NCKAP5: variants seen among roughly 807,000 people sequenced by gnomAD.
NCKAP5 encodes the protein nck-associated protein 5.
A neutral mutation model predicts 167.0 loss-of-function variants in NCKAP5; 92 were observed. The ratio of observed to expected loss-of-function variants is 0.55; its 90% confidence interval spans 0.47 to 0.66. The LOEUF (loss-of-function observed/expected upper bound fraction) is 0.66. NCKAP5 is among the 30% of genes least tolerant of loss of function. The probability of loss-of-function intolerance (pLI) is 0.00; values close to 1 mark genes in which losing one functional copy is unlikely to be tolerated. For missense variants in NCKAP5, 2,378 were observed against 2,315.0 expected, an observed-to-expected ratio of 1.03 and a Z score of -0.56; for synonymous variants, 891 against 877.4, an observed-to-expected ratio of 1.02 and a Z score of -0.27.
chr2:133,130,945 C>T (rs2149798041), intron 5 of NCKAP5, among the ~76,000 whole-genome samples: 1 of 152,268 alleles, frequency 6.6e-6, no homozygotes, highest in East Asian at 1.9e-4. Context: ...GATATACACT[C>T]TATGATGAAA....
intron 3 of NCKAP5, among the ~76,000 whole-genome samples, chr2:133,305,368 T>C (rs889971597): frequency 6.6e-6 from 1 of 152,188 alleles, no homozygotes; most frequent in African/African-American, 2.4e-5. Context: ...TTCATCTTCG[T>C]CAGAGGGATA....
the NCKAP5 span, among the ~76,000 whole-genome samples, chr2:133,606,533 G>C: frequency 2.2e-4 from 34 of 152,186 alleles, no homozygotes; most frequent in East Asian, 6.6e-3. Flanking sequence ...CTGAAGAATA[G>C]AACTGGTGAC....
At chr2:132,731,192 A>G (rs564081964) in intron 17 of NCKAP5, among the ~76,000 whole-genome samples, 33 of 152,338 alleles carry the variant, frequency 2.2e-4, no homozygotes, top group African/African-American at 7.7e-4. Context: ...TTCATCATGA[A>G]ATCTTGTTTC....
chr2:133,664,276 G>C, the NCKAP5 span, among the ~76,000 whole-genome samples: 1 of 152,082 alleles, frequency 6.6e-6, no homozygotes, highest in Non-Finnish European at 1.5e-5. Flanking sequence ...AGCATAGGCA[G>C]GGTAGATTTA....
At chr2:133,128,425 C>T (rs1382105413) in intron 6 of NCKAP5, among the ~76,000 whole-genome samples, 1 of 152,134 alleles carries the variant, frequency 6.6e-6, no homozygotes, top group Non-Finnish European at 1.5e-5. Flanking sequence ...GGGATTCCTC[C>T]CATGGAATTG....
intron 3 of NCKAP5, among the ~76,000 whole-genome samples, chr2:133,386,874 CT>C (rs754247047): frequency 6.6e-6 from 1 of 151,880 alleles, no homozygotes; most frequent in African/African-American, 2.4e-5. Context: ...CAACCCCTGC[CT>C]TTTTTTTGTT....
At chr2:132,758,872 C>T (rs905946204) in intron 16 of NCKAP5, among the ~76,000 whole-genome samples, 3 of 152,146 alleles carry the variant, frequency 2.0e-5, no homozygotes, top group African/African-American at 7.2e-5. Flanking sequence ...TACAAGAATG[C>T]ATATTATCAA....
intron 19 of NCKAP5, among the ~76,000 whole-genome samples, chr2:132,692,300 G>A (rs1033822678): frequency 2.6e-5 from 4 of 151,884 alleles, no homozygotes; most frequent in African/African-American, 9.7e-5. Context: ...CCACCACCAT[G>A]CCCAGTTAAT....
intron 3 of NCKAP5, among the ~76,000 whole-genome samples, chr2:133,385,994 C>T (rs1686935538): frequency 6.6e-6 from 1 of 152,138 alleles, no homozygotes; most frequent in African/African-American, 2.4e-5. Flanking sequence ...TTTCAAAAAA[C>T]CAGCTCCTGG....
At chr2:133,556,174 G>C (rs183869134) in intron 2 of NCKAP5, among the ~76,000 whole-genome samples, 40 of 152,286 alleles carry the variant, frequency 2.6e-4, no homozygotes, top group Non-Finnish European at 4.6e-4. Context: ...TTCTTGTTTT[G>C]AGGATTAGTG....
intron 4 of NCKAP5, among the ~76,000 whole-genome samples, chr2:133,230,897 C>T (rs2087116846): frequency 6.6e-6 from 1 of 152,112 alleles, no homozygotes; most frequent in South Asian, 2.1e-4. Context: ...TTTTTACAGG[C>T]TTCAATTTGC....
rs17325153 is a variant in NCKAP5 at position 132,727,118 on chromosome 2, C to T, written c.5581-1359G>A. ...GGATTTCCAGTGCATGGGGCTAGTG[C>T]AGGACGATGAGGAAGGGAATCCTAG... On this transcript the variant is annotated intron_variant, in intron 18 of 19. Transcript: ENST00000409261. Among the ~76,000 whole-genome samples, 1,128 of 152,300 alleles carry T rather than the reference C, an allele frequency of 7.4e-3. 6 individuals are homozygous for T. The highest frequency in any genetic ancestry group is 0.013 in the Non-Finnish European group (865 of 68,014).
chr2:132,869,391 C>T (rs1298487806), intron 9 of NCKAP5, among the ~76,000 whole-genome samples: 1 of 152,176 alleles, frequency 6.6e-6, no homozygotes, highest in Admixed American at 6.6e-5. Flanking sequence ...GTCTATTTCA[C>T]TGCTTAATAT....
chr2:133,427,929 A>C (rs1689916153), intron 3 of NCKAP5, among the ~76,000 whole-genome samples: 1 of 152,144 alleles, frequency 6.6e-6, no homozygotes, highest in Non-Finnish European at 1.5e-5. Context: ...AGTTCAAAGA[A>C]GACCTATATG....
At chr2:133,148,790 C>G (rs2083288447) in intron 5 of NCKAP5, among the ~76,000 whole-genome samples, 2 of 152,090 alleles carry the variant, frequency 1.3e-5, no homozygotes, top group South Asian at 2.1e-4. Context: ...ATCATAAGAG[C>G]TCCACCCTCA....
intron 7 of NCKAP5, among the ~76,000 whole-genome samples, chr2:132,983,767 G>A (rs2077206916): frequency 6.6e-6 from 1 of 152,170 alleles, no homozygotes; most frequent in Admixed American, 6.5e-5. Flanking sequence ...CAGGGCCTAG[G>A]AGCTGACAAA....
chr2:133,067,759 T>C lies in NCKAP5; in HGVS notation c.341+62219A>G, dbSNP rs552379837. ...AGAACATCATTTTGGATTTTGTTCA[T>C]TGAGGAGCTGTTGCAGACTGTTTCC... On this transcript the variant is annotated intron_variant, in intron 6 of 19. Coordinates refer to ENST00000409261, the MANE Select transcript of NCKAP5 (RefSeq NM_207363.3). Among the ~76,000 whole-genome samples, 24 of 152,226 alleles carry C rather than the reference T, an allele frequency of 1.6e-4. 1 individual carries two copies. The highest frequency in any genetic ancestry group is 9.8e-4 in the Admixed American group (15 of 15,292).
intron 8 of NCKAP5, among the ~76,000 whole-genome samples, chr2:132,940,117 A>G (rs1415017453): frequency 6.6e-6 from 1 of 152,154 alleles, no homozygotes; most frequent in African/African-American, 2.4e-5. Flanking sequence ...CTTAGCTCCC[A>G]CTTACAAGTG....
At chr2:133,523,583 C>A (rs567382085) in intron 2 of NCKAP5, among the ~76,000 whole-genome samples, 15 of 152,220 alleles carry the variant, frequency 9.9e-5, no homozygotes, top group African/African-American at 3.6e-4. Flanking sequence ...CTTTTCTCAC[C>A]AGGTCATTGT....
Sources: allele counts gnomAD v4.1 joint callset (sites outside exome capture counted in the v4.1 genomes callset), GRCh38; gene constraint gnomAD v4.1.1; transcripts MANE v1.5; gene names NCBI Gene and HGNC (gene_info 2026-07-23, HGNC 2026-07-21).